IMMP2L: variants seen among roughly 807,000 people sequenced by gnomAD.
IMMP2L encodes inner mitochondrial membrane peptidase subunit 2.
A neutral mutation model predicts 19.3 loss-of-function variants in IMMP2L; 18 were observed. The ratio of observed to expected loss-of-function variants is 0.93; its 90% CI spans 0.64 to 1.38. The LOEUF (loss-of-function observed/expected upper bound fraction) is 1.38, where lower values mean the gene tolerates loss of function less well. Among genes scored for constraint, IMMP2L ranks in the 40% most tolerant of loss-of-function variants. IMMP2L has a pLI of 0.00. For synonymous variants in IMMP2L, 76 were observed against 73.0 expected (o/e 1.04, Z -0.21); for missense variants, 233 against 218.2 (o/e 1.07, Z -0.43).
At chr7:111,262,384 T>G (rs952404597) in intron 3 of IMMP2L, among the ~76,000 whole-genome samples, 2 of 152,046 alleles carry the variant, frequency 1.3e-5, no homozygotes, top group Non-Finnish European at 2.9e-5. Flanking sequence ...GAGCCGGCTA[T>G]GAGAAGATCT....
chr7:111,133,243 C>T (rs2129594761), intron 3 of IMMP2L, among the ~76,000 whole-genome samples: 1 of 152,028 alleles, frequency 6.6e-6, no homozygotes, highest in South Asian at 2.1e-4. Flanking sequence ...TAAATACCAA[C>T]AAATGAATCT....
intron 4 of IMMP2L, among the ~76,000 whole-genome samples, chr7:110,909,473 A>C (rs1812805724): frequency 6.6e-6 from 1 of 152,178 alleles, no homozygotes; most frequent in African/African-American, 2.4e-5. Context: ...ACCTAAAGGT[A>C]CTTGAGAAAA....
At chr7:110,839,628 A>T (rs1309364331) in intron 5 of IMMP2L, among the ~76,000 whole-genome samples, 1 of 152,132 alleles carries the variant, frequency 6.6e-6, no homozygotes, top group African/African-American at 2.4e-5. Flanking sequence ...ACGTGTGCAC[A>T]TATATTTTAA....
chr7:111,468,779 C>T lies in IMMP2L; in HGVS notation c.239+18459G>A, dbSNP rs1176606065. ...AGAAAAATATTCAATAGATATTTTT[C>T]AGGTAGACCCAAAAAGACTCTGTGT... On this transcript the variant is annotated intron_variant, in intron 3 of 5. Transcript: ENST00000405709. Among the ~76,000 whole-genome samples, 2 of 152,038 alleles carry T rather than the reference C, an allele frequency of 1.3e-5. 1 individual carries two copies. Among genetic ancestry groups the T allele is most frequent in the Admixed American group, 1.3e-4 (2 of 15,250 alleles).
intron 3 of IMMP2L, among the ~76,000 whole-genome samples, chr7:111,051,595 C>T (rs1173501188): frequency 6.6e-6 from 1 of 152,078 alleles, no homozygotes; most frequent in Non-Finnish European, 1.5e-5. Flanking sequence ...TTGAAAATCT[C>T]CTGGGGAAAA....
chr7:111,524,636 CAGCT>C (rs1370987972), intron 1 of IMMP2L, among the ~76,000 whole-genome samples: 12 of 152,066 alleles, frequency 7.9e-5, no homozygotes, highest in African/African-American at 2.7e-4. Flanking sequence ...GTTTAAAGGT[CAGCT>C]GTTTACTCAC....
At chr7:111,115,787 C>T (rs1416910758) in intron 3 of IMMP2L, among the ~76,000 whole-genome samples, 1 of 152,106 alleles carries the variant, frequency 6.6e-6, no homozygotes, top group African/African-American at 2.4e-5. Context: ...CGTGCCTCAG[C>T]CTCCCGAGTA....
chr7:111,142,735 C>T (rs1803068664), intron 3 of IMMP2L, among the ~76,000 whole-genome samples: 2 of 152,074 alleles, frequency 1.3e-5, no homozygotes, highest in Non-Finnish European at 2.9e-5. Context: ...TATTAGCTTG[C>T]AATTTAAATA....
intron 3 of IMMP2L, among the ~76,000 whole-genome samples, chr7:111,225,642 G>A (rs116519458): frequency 1.7e-4 from 24 of 145,298 alleles, no homozygotes; most frequent in African/African-American, 6.1e-4. Flanking sequence ...TCCATCAAAA[G>A]TGCTATAAAA....
At chr7:111,451,196 C>A (rs1184479534) in intron 3 of IMMP2L, among the ~76,000 whole-genome samples, 7 of 142,852 alleles carry the variant, frequency 4.9e-5, no homozygotes, top group Non-Finnish European at 9.0e-5. Context: ...TTGACCCAGC[C>A]ATCCCATTAC....
At chr7:110,964,731 GACTT>G (rs1160399352) in intron 3 of IMMP2L, among the ~76,000 whole-genome samples, 1 of 151,956 alleles carries the variant, frequency 6.6e-6, no homozygotes, top group Admixed American at 6.6e-5. Context: ...TTATAAAACA[GACTT>G]ACAGGCTCTC....
intron 5 of IMMP2L, among the ~76,000 whole-genome samples, chr7:110,854,955 C>G (rs183164069): frequency 6.6e-6 from 1 of 151,904 alleles, no homozygotes; most frequent in African/African-American, 2.4e-5. Flanking sequence ...ATCCGTCTTT[C>G]CTTCTAGATG....
intron 3 of IMMP2L, among the ~76,000 whole-genome samples, chr7:111,217,097 GTCTC>G (rs34795971): frequency 0.24 from 30,179 of 126,100 alleles, 3,981 homozygotes; most frequent in South Asian, 0.49. Context: ...CTCTCCCTCC[GTCTC>G]TCTCTCTCTC....
intron 5 of IMMP2L, among the ~76,000 whole-genome samples, chr7:110,714,628 G>T (rs1795118953): frequency 6.6e-6 from 1 of 152,056 alleles, no homozygotes; most frequent in Admixed American, 6.6e-5. Flanking sequence ...GCAGAGTCTT[G>T]CTCTGTCACC....
Position 111,030,936 on chromosome 7 carries a change from T to C in IMMP2L, c.240-67371A>G, listed in dbSNP as rs1340018841. On this transcript the variant is annotated intron_variant, in intron 3 of 5. Coordinates refer to ENST00000405709, the MANE Select transcript of IMMP2L (RefSeq NM_032549.4). The stretch of plus-strand genomic sequence containing the variant: ...TATATATATATATATAAAATATATA[T>C]ACACGAGAATTAGACAAGTAAATGG... Among the ~76,000 whole-genome samples, 3 of 140,552 alleles carry C rather than the reference T, an allele frequency of 2.1e-5. No homozygotes were observed. In the East Asian group the frequency reaches 6.7e-4, roughly 31 times the overall value. 92.2% of individuals were successfully genotyped at this position (140,552 alleles called of 152,430 possible).
chr7:110,738,132 A>G (rs905592134), intron 5 of IMMP2L, among the ~76,000 whole-genome samples: 1 of 152,230 alleles, frequency 6.6e-6, no homozygotes, highest in African/African-American at 2.4e-5. Context: ...CAATTCTGCT[A>G]ATATGATAAA....
At chr7:110,698,020 C>A (rs927362450) in intron 5 of IMMP2L, among the ~76,000 whole-genome samples, 1 of 152,056 alleles carries the variant, frequency 6.6e-6, no homozygotes, top group South Asian at 2.1e-4. Flanking sequence ...TCTGTCAAAA[C>A]ATTCATTATA....
At chr7:110,806,019 T>G (rs557919534) in intron 5 of IMMP2L, among the ~76,000 whole-genome samples, 3 of 152,116 alleles carry the variant, frequency 2.0e-5, no homozygotes, top group Admixed American at 6.6e-5. Context: ...ATTCATTCAA[T>G]AAATCAATAA....
Position 111,532,136 on chromosome 7 carries a change from C to T in IMMP2L, c.-2-10687G>A, listed in dbSNP as rs527445735. 9.2e-5 allele frequency among the ~76,000 whole-genome samples: 14 copies of T among 152,168 alleles called. No individual in the cohort carries two copies. The South Asian group carries it at 2.9e-3, about 32-fold the overall frequency. On this transcript the variant is annotated intron_variant, in intron 1 of 5. Coordinates refer to ENST00000405709, the MANE Select transcript of IMMP2L (RefSeq NM_032549.4). ...AGGGTACAAAATATTAGAAAGTGGGCATTAGGCAATAACATGAGTAATGGA... is the reference window on the plus strand; with the variant it reads ...AGGGTACAAAATATTAGAAAGTGGGTATTAGGCAATAACATGAGTAATGGA...
Sources: gnomAD v4.1 joint callset for allele counts (sites outside exome capture counted in the v4.1 genomes callset) on GRCh38, gnomAD v4.1.1 for gene constraint, MANE v1.5 for transcripts, NCBI Gene and HGNC (gene_info 2026-07-23, HGNC 2026-07-21) for gene names.